Variants in CA4 observed in about 807,000 individuals in gnomAD.
The protein encoded by CA4 is CA-IV.
Under a neutral mutation model 34.5 loss-of-function variants are expected in CA4, and 24 were observed. The ratio of observed to expected loss-of-function variants is 0.70; its 90% CI spans 0.50 to 0.98. The LOEUF is 0.98. Ranked by LOEUF, CA4 falls within the 50% of genes least tolerant of loss-of-function variation. CA4 has a pLI of 0.00. For synonymous variants in CA4, 178 were observed against 170.6 expected, an observed-to-expected ratio of 1.04 and a Z score of -0.34; for missense variants, 394 against 396.7, an observed-to-expected ratio of 0.99 and a Z score of 0.06.
chr17:60,164,816 G>A (rs1293288070), intron 5 of CA4, among the ~76,000 whole-genome samples: 1 of 151,968 alleles, frequency 6.6e-6, no homozygotes, highest in Non-Finnish European at 1.5e-5. Context: ...AGCAGGCACA[G>A]GAGCACCAGG....
downstream of CA4, among the ~76,000 whole-genome samples, chr17:60,172,139 C>T (rs563226307): frequency 1.5e-4 from 23 of 152,312 alleles, no homozygotes; most frequent in African/African-American, 5.5e-4. Context: ...CCATCAGCAG[C>T]AGAGGATCCT....
At chr17:60,155,133 G>GGTTGACCTGTTGACCAA (rs1268622152) in intron 1 of CA4, among the ~76,000 whole-genome samples, 181 bp from the exon 2 acceptor site, 3 of 152,168 alleles carry the variant, frequency 2.0e-5, no homozygotes, top group African/African-American at 4.8e-5. Flanking sequence ...CTGTTGATCA[G>GGTTGACCTGTTGACCAA]CCCCTGCTTG....
chr17:60,164,624 C>T (rs921918381), intron 5 of CA4, among the ~76,000 whole-genome samples: 3 of 152,124 alleles, frequency 2.0e-5, no homozygotes, highest in Non-Finnish European at 4.4e-5. Context: ...CTCCTGACCT[C>T]AGGTGATCCA....
At chr17:60,169,666 T>C (rs1013441424) in intron 5 of CA4, among the ~76,000 whole-genome samples, 3 of 152,080 alleles carry the variant, frequency 2.0e-5, no homozygotes, top group African/African-American at 7.2e-5. Context: ...TTTTTTTGTA[T>C]TTTTAGTAGA....
intron 4 of CA4, 31 bp downstream of exon 4, chr17:60,157,603 C>G: frequency 6.2e-7 from 1 of 1,614,098 alleles, no homozygotes; most frequent in East Asian, 2.2e-5. Context: ...GGGACCTTGT[C>G]TGGGCTCTGG....
chr17:60,170,023 G>A (rs191189035), intron 5 of CA4, among the ~76,000 whole-genome samples: 42 of 152,334 alleles, frequency 2.8e-4, no homozygotes, highest in African/African-American at 1.0e-3. Context: ...GCTCTGGAAC[G>A]CTGCAGAGTC....
chr17:60,162,443 G>A (rs926441382), downstream of CA4, among the ~76,000 whole-genome samples: 1 of 151,996 alleles, frequency 6.6e-6, no homozygotes, highest in Non-Finnish European at 1.5e-5. Flanking sequence ...AGTTCCCTCT[G>A]AGGGCGAGGG....
At chr17:60,162,324 T>G (rs2145292010), downstream of CA4, among the ~76,000 whole-genome samples, 1 of 152,166 alleles carries the variant, frequency 6.6e-6, no homozygotes, top group African/African-American at 2.4e-5. Context: ...GCTTCCTGTT[T>G]TTAGTAAATT....
chr17:60,150,214 G>C (rs2083564897), intron 1 of CA4, 122 bp downstream of exon 1: 4 of 810,852 alleles, frequency 4.9e-6, no homozygotes, highest in Non-Finnish European at 7.7e-6. Flanking sequence ...TGGGGTCCCG[G>C]GTTGCGTGTG....
downstream of CA4, among the ~76,000 whole-genome samples, chr17:60,161,048 C>T (rs866333492): frequency 2.1e-4 from 32 of 152,138 alleles, 1 homozygote; most frequent in African/African-American, 7.7e-4. Context: ...TGCCCAGGAG[C>T]TGATCTGCTG....
At chr17:60,156,914 G>A in intron 3 of CA4, 199 bp downstream of exon 3, 1 of 634,066 alleles carries the variant, frequency 1.6e-6, no homozygotes, top group Non-Finnish European at 2.8e-6. Flanking sequence ...AGACCAGTCT[G>A]GGATGTGGGG....
rs116110156 is a variant in CA4, at chr17:60,167,355, G to A, written c.*179-3196G>A. Among the ~76,000 whole-genome samples the A allele has an allele frequency of 1.1e-3, 170 of 152,292 alleles. 1 individual carries two copies. Among genetic ancestry groups the A allele is most frequent in the African/African-American group, 3.1e-3 (128 of 41,552 alleles). On this transcript the variant is annotated intron_variant and NMD_transcript_variant, in intron 5 of 5. Transcript: ENST00000586876. ...TCTTGCTTCCTCTTGTGAAGTCTAC[G>A]TGCTAGCCAAGACCCAGCCTGTGAG...
exon 6 of CA4, chr17:60,170,747 A>C (rs2083905048): frequency 6.6e-6 from 1 of 152,244 alleles, no homozygotes; most frequent in Non-Finnish European, 1.5e-5. Flanking sequence ...AAAGGGTTCC[A>C]CACTCACTTT....
At chr17:60,175,567 T>C (rs1169290311), downstream of CA4, among the ~76,000 whole-genome samples, 1 of 144,646 alleles carries the variant, frequency 6.9e-6, no homozygotes, top group African/African-American at 2.6e-5. Context: ...CCTGTCTCTA[T>C]TTAAAAAAAA....
At chr17:60,170,759 T>G (rs1387305102) in exon 6 of CA4, 2 of 152,252 alleles carry the variant, frequency 1.3e-5, no homozygotes, top group Admixed American at 6.5e-5. Flanking sequence ...ACTCACTTTC[T>G]TATTCAGGGC....
chr17:60,159,482 C>A lies in CA4; in HGVS notation c.*58C>A. On this transcript the variant is annotated 3_prime_UTR_variant, in exon 8 of 8. Transcript: ENST00000300900. ...CTCAGCTCTCCAAGTTCCAGGCTTC[C>A]GGTCCTTAGCCTTCCCAGGTGGGAC... 6.4e-7 allele frequency: 1 copy of A among 1,560,338 alleles called. No homozygotes were observed. The highest frequency in any genetic ancestry group is 8.7e-7 in the Non-Finnish European group (1 of 1,143,754).
downstream of CA4, among the ~76,000 whole-genome samples, chr17:60,160,215 G>A (rs1210645591): frequency 6.6e-6 from 1 of 152,332 alleles, no homozygotes; most frequent in East Asian, 1.9e-4. Flanking sequence ...AGCCCTGTGC[G>A]TTCTCCCCTG....
intron 5 of CA4, among the ~76,000 whole-genome samples, chr17:60,168,504 G>T (rs1371336679): frequency 5.1e-5 from 6 of 116,956 alleles, no homozygotes; most frequent in Admixed American, 4.1e-4. Flanking sequence ...CTTTTTTTGG[G>T]GGGGCAGGTG....
the CA4 span, among the ~76,000 whole-genome samples, chr17:60,177,987 AAAT>A: frequency 3.3e-5 from 5 of 152,224 alleles, no homozygotes; most frequent in African/African-American, 1.2e-4. Context: ...TACCTGAAAT[AAAT>A]AATATTTATA....
Sources: gnomAD v4.1 joint callset for allele counts (sites outside exome capture counted in the v4.1 genomes callset) on GRCh38, gnomAD v4.1.1 for gene constraint, MANE v1.5 for transcripts, NCBI Gene and HGNC (gene_info 2026-07-23, HGNC 2026-07-21) for gene names.